TRABD2A: variants seen among roughly 807,000 people sequenced by gnomAD.
TRABD2A encodes the protein TraB domain containing 2A, also known as metalloprotease TIKI1.
TRABD2A carries 43 observed loss-of-function variants against 45.6 expected under a neutral mutation model. The observed-to-expected ratio is 0.94, with a 90% confidence interval of 0.74 to 1.22. The LOEUF (loss-of-function observed/expected upper bound fraction) is 1.22. TRABD2A is among the 50% of genes most tolerant of loss of function. The pLI is 0.00. For synonymous variants in TRABD2A, 269 were observed against 265.0 expected, an observed-to-expected ratio of 1.02 and a Z score of -0.15; for missense variants, 642 against 652.4, an observed-to-expected ratio of 0.98 and a Z score of 0.17.
chr2:84,880,957 G>A lies in TRABD2A; in HGVS notation c.83C>T (p.Thr28Ile). The A allele has an allele frequency of 4.4e-6, 7 of 1,598,720 alleles. No homozygotes were observed. The highest frequency in any genetic ancestry group is 2.3e-5 in the South Asian group (2 of 88,582). ...GAASRRGAPG[T>I]ANCELKPQQS... Reference sequence around the variant, plus strand: ...TTGGGGCTTGAGCTCGCAGTTGGCGGTGCCGGGCGCCCCGCGCCGCGAAGC... The same window carrying A: ...TTGGGGCTTGAGCTCGCAGTTGGCGATGCCGGGCGCCCCGCGCCGCGAAGC... Residue 28 changes from threonine (T) to isoleucine (I), a missense_variant, in exon 1 of 7, where the codon ACC becomes ATC. Coordinates refer to ENST00000409520, the MANE Select transcript of TRABD2A (RefSeq NM_001277053.2).
At chr2:84,844,994 T>C (rs1037419823) in intron 2 of TRABD2A, among the ~76,000 whole-genome samples, 1 of 152,210 alleles carries the variant, frequency 6.6e-6, no homozygotes, top group Non-Finnish European at 1.5e-5. Context: ...GAGTTACCCA[T>C]TGTAACAGAC....
At position 84,822,075 on chromosome 2, in the gene TRABD2A, G is replaced by A; in HGVS notation, c.1360C>T (p.Pro454Ser). ...ESDIVPQLQV[P>S]VLDRHISTEL... is the part of the protein sequence containing the mutation. ...GTGGAGATGTGCCTGTCCAGGACAGGGACCTGGAGTTGCGGGACTATGTCA... is the reference window on the plus strand; with the variant it reads ...GTGGAGATGTGCCTGTCCAGGACAGAGACCTGGAGTTGCGGGACTATGTCA... Residue 454 changes from proline (P) to serine (S), a missense_variant, in exon 7 of 7, where the codon CCT (proline) becomes TCT (serine). Transcript: ENST00000409520. The A allele has an allele frequency of 6.3e-7, 1 of 1,582,930 alleles. No homozygotes were observed. The highest frequency in any genetic ancestry group is 8.6e-7 in the Non-Finnish European group (1 of 1,164,486).
Position 84,839,235 on chromosome 2 carries a change from T to C in TRABD2A, c.905A>G (p.Tyr302Cys), listed in dbSNP as rs758442653. The change falls in exon 4 of 7, where the codon TAC becomes TGC. Residue 302 changes from tyrosine (Y) to cysteine (C), a missense_variant. Coordinates refer to ENST00000409520, the MANE Select transcript of TRABD2A (RefSeq NM_001277053.2). ...CTTCCCTATTCTCTCATTCCGCTTG[T>C]AGATCAGCTCCCGGCGTAAGTAGCT... ...IDSYLRRELIYKRNERIGKRV... is the reference protein window; with the variant it reads ...IDSYLRRELICKRNERIGKRV... 6.2e-7 allele frequency: 1 copy of C among 1,613,748 alleles called. No homozygotes were observed. Among genetic ancestry groups the C allele is most frequent in the African/African-American group, 1.3e-5 (1 of 74,850 alleles).
At chr2:84,859,940 T>C (rs1682436745) in intron 2 of TRABD2A, among the ~76,000 whole-genome samples, 2 of 148,518 alleles carry the variant, frequency 1.3e-5, no homozygotes, top group East Asian at 3.9e-4. Flanking sequence ...CATTTATTTT[T>C]TGGAGAGATG....
intron 4 of TRABD2A, chr2:84,835,286 C>G (rs1191455993): frequency 2.0e-5 from 3 of 152,154 alleles, no homozygotes; most frequent in Non-Finnish European, 4.4e-5. Flanking sequence ...AGCAAACATG[C>G]CTTAGTCTGT....
intron 2 of TRABD2A, among the ~76,000 whole-genome samples, chr2:84,867,427 A>G (rs371836080): frequency 6.6e-6 from 1 of 152,188 alleles, no homozygotes; most frequent in East Asian, 1.9e-4. Flanking sequence ...CTTATACAAA[A>G]ATTAATTCAA....
chr2:84,840,437 T>C (rs1250511355), intron 3 of TRABD2A, among the ~76,000 whole-genome samples: 1 of 152,116 alleles, frequency 6.6e-6, no homozygotes, highest in African/African-American at 2.4e-5. Context: ...ACCTTCTAAA[T>C]TCCAAACATC....
At chr2:84,877,594 G>A (rs1298090589) in intron 1 of TRABD2A, among the ~76,000 whole-genome samples, 3 of 152,094 alleles carry the variant, frequency 2.0e-5, no homozygotes, top group Non-Finnish European at 2.9e-5. Flanking sequence ...GACAGAGCAG[G>A]ACTGTGTCTC....
rs962250323 is a variant in TRABD2A, at chr2:84,822,068, A to G, written c.1367T>C (p.Leu456Pro). Residue 456 changes from leucine to proline, a missense_variant, in exon 7 of 7, where the codon CTG (leucine) becomes CCG (proline). Leu to Pro is a moderately conservative substitution (Grantham distance 98, BLOSUM62 -3). Transcript: ENST00000409520. ...CAGTTCAGTGGAGATGTGCCTGTCC[A>G]GGACAGGGACCTGGAGTTGCGGGAC... ...DIVPQLQVPV[L>P]DRHISTELRL... 1 of 1,587,338 alleles carries G rather than the reference A, an allele frequency of 6.3e-7. No homozygotes were observed. Among genetic ancestry groups the G allele is most frequent in the African/African-American group, 1.3e-5 (1 of 74,524 alleles).
chr2:84,829,650 C>A (rs773326422), intron 5 of TRABD2A, among the ~76,000 whole-genome samples: 1 of 150,640 alleles, frequency 6.6e-6, no homozygotes, highest in Non-Finnish European at 1.5e-5. Context: ...ACACAACACA[C>A]ACATCAGACA....
At chr2:84,871,512 C>T (rs1406626205) in intron 1 of TRABD2A, among the ~76,000 whole-genome samples, 1 of 151,258 alleles carries the variant, frequency 6.6e-6, no homozygotes, top group Non-Finnish European at 1.5e-5. Context: ...GAAGGAGTCT[C>T]ACTCTGTTGC....
intron 2 of TRABD2A, among the ~76,000 whole-genome samples, chr2:84,866,998 G>A (rs1326291366): frequency 3.9e-5 from 6 of 152,012 alleles, no homozygotes; most frequent in Admixed American, 3.9e-4. Context: ...AACCTGGGAG[G>A]CAGAGGCTGC....
intron 2 of TRABD2A, among the ~76,000 whole-genome samples, chr2:84,861,246 T>C (rs1682488021): frequency 6.6e-6 from 1 of 152,188 alleles, no homozygotes; most frequent in Non-Finnish European, 1.5e-5. Flanking sequence ...ACATTTATTG[T>C]GCACTTTATT....
chr2:84,863,298 G>T lies in TRABD2A; in HGVS notation c.669+6927C>A, dbSNP rs1347857318. Among the ~76,000 whole-genome samples the T allele has an allele frequency of 2.2e-4, 30 of 135,716 alleles. No homozygotes were observed. In the Admixed American group the frequency reaches 2.4e-3, roughly 11 times the overall value. 89.0% of individuals were successfully genotyped at this position (135,716 alleles called of 152,430 possible). On this transcript the variant is annotated intron_variant, in intron 2 of 6. Coordinates refer to ENST00000409520, the MANE Select transcript of TRABD2A (RefSeq NM_001277053.2). ...CTCGCTCTGTCGCCCAGGCTGGAGT[G>T]CAGTGGCGCAATCTCGGCTCACTGC...
intron 1 of TRABD2A, among the ~76,000 whole-genome samples, chr2:84,878,607 C>T (rs1213542176): frequency 2.0e-5 from 3 of 151,878 alleles, no homozygotes; most frequent in Admixed American, 6.6e-5. Context: ...ACTCAACCTG[C>T]GTGGTGCTCA....
At chr2:84,829,397 C>CACACACCACACAT (rs1681248546) in intron 5 of TRABD2A, among the ~76,000 whole-genome samples, 3 of 139,394 alleles carry the variant, frequency 2.2e-5, no homozygotes, top group African/African-American at 5.3e-5. Flanking sequence ...CACACACACA[C>CACACACCACACAT]ACCACACACA....
chr2:84,827,220 T>C (rs978256744), intron 5 of TRABD2A, among the ~76,000 whole-genome samples: 2 of 152,198 alleles, frequency 1.3e-5, no homozygotes, highest in African/African-American at 4.8e-5. Flanking sequence ...GGCTACCCCC[T>C]TGTGCTGATA....
intron 1 of TRABD2A, among the ~76,000 whole-genome samples, chr2:84,880,232 C>A (rs1683155601): frequency 6.6e-6 from 1 of 152,178 alleles, no homozygotes; most frequent in Non-Finnish European, 1.5e-5. Flanking sequence ...AAGACCTGTC[C>A]GCTATAGAGC....
At chr2:84,837,371 C>T (rs1361381180) in intron 4 of TRABD2A, 1 of 152,220 alleles carries the variant, frequency 6.6e-6, no homozygotes, top group African/African-American at 2.4e-5. Context: ...TTAACTTCCT[C>T]AAGGACAGCT....
Sources: allele counts gnomAD v4.1 joint callset (sites outside exome capture counted in the v4.1 genomes callset), GRCh38; gene constraint gnomAD v4.1.1; transcripts MANE v1.5; gene names NCBI Gene and HGNC (gene_info 2026-07-23, HGNC 2026-07-21).